The following PARP16 variants were observed in gnomAD, a reference collection of about 807,000 sequenced individuals.
The protein encoded by PARP16 is poly(ADP-ribose) polymerase family member 16.
A neutral mutation model predicts 35.0 loss-of-function variants in PARP16; 31 were observed. The observed-to-expected ratio is 0.88, with a 90% CI of 0.66 to 1.19. The LOEUF (loss-of-function observed/expected upper bound fraction) is 1.19. Ranked by LOEUF, PARP16 falls within the 50% of genes most tolerant of loss-of-function variation. The pLI is 0.00. For synonymous variants in PARP16, 162 were observed against 169.5 expected (o/e 0.96, Z 0.34); for missense variants, 424 against 411.2 (o/e 1.03, Z -0.27).
intron 2 of PARP16, among the ~76,000 whole-genome samples, chr15:65,251,114 C>G (rs538149225): frequency 9.9e-5 from 15 of 152,196 alleles, no homozygotes; most frequent in African/African-American, 3.6e-4. Context: ...AAACTCCTGA[C>G]TTCAAGTGAT....
intron 1 of PARP16, among the ~76,000 whole-genome samples, chr15:65,284,616 G>A (rs935240202): frequency 2.0e-5 from 3 of 150,496 alleles, no homozygotes; most frequent in Non-Finnish European, 3.0e-5. Context: ...GTGAGCCACC[G>A]CACTCGGCCT....
intron 1 of PARP16, among the ~76,000 whole-genome samples, chr15:65,274,694 T>G (rs2090196183): frequency 6.6e-6 from 1 of 152,168 alleles, no homozygotes; most frequent in Admixed American, 6.5e-5. Context: ...TGGCCTTGCA[T>G]TATTCAGGGG....
intron 1 of PARP16, among the ~76,000 whole-genome samples, chr15:65,279,310 A>G (rs768015305): frequency 1.3e-5 from 2 of 152,180 alleles, no homozygotes; most frequent in Non-Finnish European, 2.9e-5. Context: ...AGTGTGGTAC[A>G]GGTGTTGGTT....
intron 4 of PARP16, among the ~76,000 whole-genome samples, chr15:65,262,805 T>C (rs1167880462): frequency 6.6e-6 from 1 of 152,176 alleles, no homozygotes; most frequent in Non-Finnish European, 1.5e-5. Context: ...ACTGGCTTCA[T>C]CACTCACTTT....
At chr15:65,261,269 T>G (rs1005068477) in intron 4 of PARP16, among the ~76,000 whole-genome samples, 1 of 150,892 alleles carries the variant, frequency 6.6e-6, no homozygotes, top group Non-Finnish European at 1.5e-5. Flanking sequence ...AAAACTCAAC[T>G]GAGTGGGGAG....
At chr15:65,251,217 C>T (rs2089349291) in intron 2 of PARP16, among the ~76,000 whole-genome samples, 1 of 152,054 alleles carries the variant, frequency 6.6e-6, no homozygotes, top group South Asian at 2.1e-4. Flanking sequence ...GTTTGAGTGC[C>T]TTGTGGGGAT....
intron 2 of PARP16, among the ~76,000 whole-genome samples, chr15:65,252,594 T>TG (rs1012505575): frequency 2.1e-4 from 32 of 152,348 alleles, no homozygotes; most frequent in African/African-American, 6.7e-4. Context: ...CTGTTTTCAC[T>TG]GGGGTCCTCC....
At chr15:65,238,031 A>G (rs1754159642) in intron 3 of PARP16, among the ~76,000 whole-genome samples, 1 of 152,168 alleles carries the variant, frequency 6.6e-6, no homozygotes, top group Non-Finnish European at 1.5e-5. Flanking sequence ...CACGCCTGTA[A>G]TCCCAGCACT....
chr15:65,266,565 G>C lies in PARP16; in HGVS notation c.516C>G (p.Asn172Lys), dbSNP rs1468793210. 1.9e-6 allele frequency: 3 copies of C among 1,612,604 alleles called. No homozygotes were observed. Among genetic ancestry groups the C allele is most frequent in the African/African-American group, 1.3e-5 (1 of 74,874 alleles). Residue 172 changes from asparagine to lysine, a missense_variant, in exon 3 of 6, where the codon AAC becomes AAG. Coordinates refer to ENST00000649807, the MANE Select transcript of PARP16 (RefSeq NM_001316943.2). ...CAGGGTGTCCCTTAGGCCCCACCTT[G>C]TTCAGATGGCAGTGCAGGCCATTGT... The part of the protein sequence containing the change: ...IIHNGLHCHL[N>K]KTSLFGEGTY...
Position 65,286,673 on chromosome 15 carries a change from G to C in PARP16, c.-247C>G, listed in dbSNP as rs1001337078. On this transcript the variant is annotated 5_prime_UTR_variant, in exon 1 of 6. Coordinates refer to ENST00000649807, the MANE Select transcript of PARP16 (RefSeq NM_001316943.2). ...CGAGGCCTGGACCGCGGGTCGGCGG[G>C]GAGGTTGGGCCCAGGGATAAAGGAA... The C allele has an allele frequency of 1.4e-5, 6 of 441,902 alleles. No homozygotes were observed. Among genetic ancestry groups the C allele is most frequent in the African/African-American group, 2.1e-5 (1 of 48,510 alleles). 27.4% of individuals were successfully genotyped at this position (441,902 alleles called of 1,614,324 possible). A position where few individuals can be genotyped will look rare whatever the true frequency, so the allele number is the denominator to read the frequency against.
chr15:65,250,961 A>G (rs529765766), intron 2 of PARP16, among the ~76,000 whole-genome samples: 1 of 152,214 alleles, frequency 6.6e-6, no homozygotes, highest in South Asian at 2.1e-4. Flanking sequence ...CCGCCTCGCT[A>G]CAACCTTTGC....
chr15:65,272,457 TC>T (rs1229320570), intron 1 of PARP16, among the ~76,000 whole-genome samples: 1 of 152,134 alleles, frequency 6.6e-6, no homozygotes, highest in Non-Finnish European at 1.5e-5. Flanking sequence ...AGGTCAAACC[TC>T]TCCAGCATGG....
At chr15:65,257,629 CAAAAAAA>C (rs5813342), downstream of PARP16, among the ~76,000 whole-genome samples, 3 of 66,904 alleles carry the variant, frequency 4.5e-5, no homozygotes, top group South Asian at 5.7e-4. Flanking sequence ...GACTCTGTCT[CAAAAAAA>C]AAAAAAAAAA....
chr15:65,286,755 A>C lies in PARP16; in HGVS notation c.-329T>G. 6.8e-6 allele frequency: 2 copies of C among 292,638 alleles called. No homozygotes were observed. The highest frequency in any genetic ancestry group is 2.2e-5 in the African/African-American group (1 of 46,048). 18.1% of individuals were successfully genotyped at this position (292,638 alleles called of 1,614,324 possible). ...CTAGGGGAAGGGCTATGACAATGGA[A>C]TGACAACCGCGGGAACGTGCTGACA... On this transcript the variant is annotated 5_prime_UTR_variant, in exon 1 of 6. Transcript: ENST00000649807.
intron 3 of PARP16, among the ~76,000 whole-genome samples, chr15:65,265,730 G>A (rs978893239): frequency 2.0e-5 from 3 of 152,248 alleles, no homozygotes; most frequent in African/African-American, 7.2e-5. Flanking sequence ...GTCTGCGCCT[G>A]AGATTCGCAT....
At chr15:65,237,977 T>C (rs556329498) in intron 3 of PARP16, among the ~76,000 whole-genome samples, 5 of 152,322 alleles carry the variant, frequency 3.3e-5, no homozygotes, top group Non-Finnish European at 5.9e-5. Context: ...ATCCATTCAC[T>C]TGGCTTTAAA....
intron 3 of PARP16, among the ~76,000 whole-genome samples, chr15:65,237,904 G>A (rs1374243149): frequency 6.6e-6 from 1 of 152,198 alleles, no homozygotes; most frequent in Non-Finnish European, 1.5e-5. Flanking sequence ...TCTAAATGTT[G>A]GGGTGCCCCG....
At chr15:65,285,199 G>A (rs955411505) in intron 1 of PARP16, among the ~76,000 whole-genome samples, 2 of 124,914 alleles carry the variant, frequency 1.6e-5, no homozygotes, top group African/African-American at 2.6e-5. Context: ...CTGCAATGGC[G>A]CAATCTCGGC....
chr15:65,249,664 T>G (rs2140770175), intron 2 of PARP16, among the ~76,000 whole-genome samples: 1 of 152,246 alleles, frequency 6.6e-6, no homozygotes, highest in Admixed American at 6.5e-5. Flanking sequence ...GTGAGGAACA[T>G]CTCAGGCAAT....
Sources: gnomAD v4.1 joint callset for allele counts (sites outside exome capture counted in the v4.1 genomes callset) on GRCh38, gnomAD v4.1.1 for gene constraint, MANE v1.5 for transcripts, NCBI Gene and HGNC (gene_info 2026-07-23, HGNC 2026-07-21) for gene names.